The following NEMP2 variants were observed in gnomAD, a reference collection of about 807,000 sequenced individuals.
NEMP2 encodes nuclear envelope integral membrane protein 2, also known as UPF0571 transmembrane protein.
In NEMP2, 53 loss-of-function variants were observed where a neutral mutation model predicts 54.2. The observed-to-expected ratio is 0.98, with a 90% CI of 0.78 to 1.23. The LOEUF is 1.23. Ranked by LOEUF, NEMP2 falls within the 50% of genes most tolerant of loss-of-function variation. NEMP2 has a pLI of 0.00. For synonymous variants in NEMP2, 197 were observed against 190.3 expected (o/e 1.04, Z -0.29); for missense variants, 455 against 511.3 (o/e 0.89, Z 1.06).
At chr2:190,489,617 T>C in the NEMP2 span, 1 of 659,776 alleles carries the variant, frequency 1.5e-6, no homozygotes, top group Non-Finnish European at 2.6e-6. This position sits in a 1 kb window ranked among gnomAD's most constrained non-coding sequence, Gnocchi z 6.6. Context: ...CCTGTGTTTT[T>C]CCATTATGTG....
chr2:190,527,169 G>C lies in NEMP2; in HGVS notation c.98-1791C>G, dbSNP rs149291560. On this transcript the variant is annotated intron_variant, in intron 1 of 8. Coordinates refer to ENST00000409150, the MANE Select transcript of NEMP2 (RefSeq NM_001142645.2). The surrounding 1 kb of genome is among the most constrained non-coding windows in gnomAD (Gnocchi z 4.0). ...CCAACCCCTGACTCCTTTAAGGAAA[G>C]TGTGGTCAGTTGTTCCTCCTGAAAA... Among the ~76,000 whole-genome samples, 1,714 of 152,300 alleles carry C rather than the reference G, an allele frequency of 0.011. 36 individuals carry two copies. Among genetic ancestry groups the C allele is most frequent in the African/African-American group, 0.038 (1,573 of 41,536 alleles).
chr2:190,606,047 G>A, the NEMP2 span, among the ~76,000 whole-genome samples: 7 of 152,200 alleles, frequency 4.6e-5, no homozygotes, highest in Non-Finnish European at 7.3e-5. Flanking sequence ...ATGTATCTGA[G>A]GAACAAGAGT....
At chr2:190,475,518 C>T in the NEMP2 span, among the ~76,000 whole-genome samples, 1 of 152,094 alleles carries the variant, frequency 6.6e-6, no homozygotes, top group Admixed American at 6.5e-5. Flanking sequence ...TATGAAGGAC[C>T]TCTTCAAGGA....
At chr2:190,644,908 A>AC in the NEMP2 span, among the ~76,000 whole-genome samples, 8 of 152,150 alleles carry the variant, frequency 5.3e-5, no homozygotes, top group Non-Finnish European at 2.9e-5. This position sits in a 1 kb window ranked among gnomAD's most constrained non-coding sequence, Gnocchi z 4.4. Context: ...AGTTAAAAAA[A>AC]ACACACACAC....
At chr2:190,489,886 C>G in the NEMP2 span, 2 of 1,604,382 alleles carry the variant, frequency 1.2e-6, no homozygotes, top group Non-Finnish European at 1.7e-6. This position sits in a 1 kb window ranked among gnomAD's most constrained non-coding sequence, Gnocchi z 6.6. Flanking sequence ...TCCATTCTTT[C>G]TTAATATTCC....
chr2:190,613,993 A>T, the NEMP2 span, among the ~76,000 whole-genome samples: 1 of 114,196 alleles, frequency 8.8e-6, no homozygotes, highest in African/African-American at 2.6e-5. Context: ...TTTTCTGTTG[A>T]AGTATTTAAG....
At chr2:190,467,376 G>T in the NEMP2 span, among the ~76,000 whole-genome samples, 1 of 152,112 alleles carries the variant, frequency 6.6e-6, no homozygotes, top group East Asian at 1.9e-4. This position sits in a 1 kb window ranked among gnomAD's most constrained non-coding sequence, Gnocchi z 5.5. Context: ...ATTTTGGGAG[G>T]CCGAGGTGGG....
the NEMP2 span, chr2:190,469,347 AG>A: frequency 6.5e-6 from 1 of 152,802 alleles, no homozygotes; most frequent in Non-Finnish European, 1.5e-5. The surrounding 1 kb of genome is among the most constrained non-coding windows in gnomAD (Gnocchi z 5.3). Flanking sequence ...CCCCCATTGT[AG>A]TGAAGTGGTT....
chr2:190,449,690 AATG>A, the NEMP2 span, among the ~76,000 whole-genome samples: 1 of 152,142 alleles, frequency 6.6e-6, no homozygotes, highest in African/African-American at 2.4e-5. Context: ...AGCCATAAAA[AATG>A]ATGAGTTCAT....
chr2:190,464,244 G>A, the NEMP2 span, among the ~76,000 whole-genome samples: 1 of 152,132 alleles, frequency 6.6e-6, no homozygotes, highest in Non-Finnish European at 1.5e-5. Flanking sequence ...ATCTTCATCT[G>A]GGGTCTTTCA....
intron 1 of NEMP2, among the ~76,000 whole-genome samples, chr2:190,532,270 T>C (rs551914931): frequency 6.6e-6 from 1 of 152,354 alleles, no homozygotes; most frequent in African/African-American, 2.4e-5. Context: ...CCTCAGTTTT[T>C]TTTAACCTGA....
the NEMP2 span, among the ~76,000 whole-genome samples, chr2:190,473,580 T>G: frequency 1.3e-5 from 2 of 152,080 alleles, no homozygotes; most frequent in Non-Finnish European, 2.9e-5. Context: ...AGCAAGTCCT[T>G]AGAGACCTAC....
chr2:190,601,329 C>A, the NEMP2 span, among the ~76,000 whole-genome samples: 1 of 152,196 alleles, frequency 6.6e-6, no homozygotes, highest in Non-Finnish European at 1.5e-5. This position sits in a 1 kb window ranked among gnomAD's most constrained non-coding sequence, Gnocchi z 5.8. Context: ...GCACCCTGAT[C>A]TCAGATTTCT....
the NEMP2 span, among the ~76,000 whole-genome samples, chr2:190,597,136 C>A: frequency 6.6e-6 from 1 of 151,728 alleles, no homozygotes; most frequent in Non-Finnish European, 1.5e-5. The surrounding 1 kb of genome is among the most constrained non-coding windows in gnomAD (Gnocchi z 4.7). Context: ...TGGTGGTGTG[C>A]TCCTGTGGTC....
At chr2:190,449,757 C>T in the NEMP2 span, among the ~76,000 whole-genome samples, 57 of 151,978 alleles carry the variant, frequency 3.8e-4, no homozygotes, top group African/African-American at 1.4e-3. Context: ...AGTAAACTAT[C>T]GCAAGAACAA....
Position 190,509,688 on chromosome 2 carries a change from G to C in NEMP2, c.1131-376C>G, listed in dbSNP as rs1690287442. Among the ~76,000 whole-genome samples the C allele has an allele frequency of 6.6e-6, 1 of 152,212 alleles. No individual in the cohort carries two copies. Among genetic ancestry groups the C allele is most frequent in the Admixed American group, 6.5e-5 (1 of 15,274 alleles). ...CACTGTTATTTGGATAAAGTTATGAGGAAGAGAAAGCAATAAGGAAAAATT... is the reference window on the plus strand; with the variant it reads ...CACTGTTATTTGGATAAAGTTATGACGAAGAGAAAGCAATAAGGAAAAATT... On this transcript the variant is annotated intron_variant, in intron 8 of 8. Transcript: ENST00000409150. The surrounding 1 kb of genome is among the most constrained non-coding windows in gnomAD (Gnocchi z 6.1).
the NEMP2 span, among the ~76,000 whole-genome samples, chr2:190,454,959 T>TGTATATGTATAC: frequency 2.8e-5 from 3 of 108,304 alleles, no homozygotes; most frequent in African/African-American, 9.0e-5. The surrounding 1 kb of genome is among the most constrained non-coding windows in gnomAD (Gnocchi z 4.6). Context: ...TATATGTATA[T>TGTATATGTATAC]GTATATGTAT....
At chr2:190,626,699 G>C in the NEMP2 span, 2 of 152,166 alleles carry the variant, frequency 1.3e-5, no homozygotes, top group Non-Finnish European at 2.9e-5. The surrounding 1 kb of genome is among the most constrained non-coding windows in gnomAD (Gnocchi z 4.5). Flanking sequence ...GAGCCCACAG[G>C]GTCGGTCCAG....
the NEMP2 span, among the ~76,000 whole-genome samples, chr2:190,433,574 G>C: frequency 5.3e-5 from 8 of 152,248 alleles, no homozygotes; most frequent in East Asian, 1.2e-3. This position sits in a 1 kb window ranked among gnomAD's most constrained non-coding sequence, Gnocchi z 4.5. Flanking sequence ...CCGCTGAATT[G>C]TTCACTTTCA....
Sources: gnomAD v4.1 joint callset for allele counts (sites outside exome capture counted in the v4.1 genomes callset) on GRCh38, gnomAD v4.1.1 for gene constraint, Gnocchi (gnomAD v3.1) non-coding constraint, MANE v1.5 for transcripts, NCBI Gene and HGNC (gene_info 2026-07-23, HGNC 2026-07-21) for gene names.